The following CACNB2 variants were observed in gnomAD, a reference collection of about 807,000 sequenced individuals.
The protein encoded by CACNB2 is voltage-dependent L-type calcium channel subunit beta-2.
Under a neutral mutation model 73.3 loss-of-function variants are expected in CACNB2, and 42 were observed. The ratio of observed to expected loss-of-function variants is 0.57; its 90% CI spans 0.45 to 0.74. CACNB2 has a LOEUF of 0.74. CACNB2 is among the 30% of genes least tolerant of loss of function. CACNB2 has a pLI of 0.00. For synonymous variants in CACNB2, 348 were observed against 310.3 expected, an observed-to-expected ratio of 1.12 and a Z score of -1.28; for missense variants, 940 against 853.0, an observed-to-expected ratio of 1.10 and a Z score of -1.27.
At chr10:18,281,152 A>C (rs886815869) in intron 2 of CACNB2, among the ~76,000 whole-genome samples, 1 of 152,190 alleles carries the variant, frequency 6.6e-6, no homozygotes, top group Non-Finnish European at 1.5e-5. Flanking sequence ...AGACATGTTC[A>C]AACAAGATAA....
At chr10:18,261,332 C>T (rs973538244) in intron 2 of CACNB2, 49 of 1,551,602 alleles carry the variant, frequency 3.2e-5, no homozygotes, top group Non-Finnish European at 4.3e-5. Flanking sequence ...GTTTCTATTG[C>T]TGTAGAATTG....
At position 18,462,250 on chromosome 10, in the gene CACNB2, C is replaced by A. The variant is rs182743769; in HGVS notation, c.334-36105C>A. ...GCCTGTAAGACAGCAAATAGGAGCG[C>A]TGGTTGGTTGATTGATTGATTGAGA... On this transcript the variant is annotated intron_variant, in intron 3 of 13. Coordinates refer to ENST00000324631, the MANE Select transcript of CACNB2 (RefSeq NM_201596.3). Among the ~76,000 whole-genome samples, 18 of 152,246 alleles carry A rather than the reference C, an allele frequency of 1.2e-4. No individual in the cohort carries two copies. In the East Asian group the frequency reaches 2.7e-3, roughly 23 times the overall value.
intron 2 of CACNB2, chr10:18,260,376 A>T: frequency 3.2e-6 from 3 of 928,842 alleles, no homozygotes; most frequent in Non-Finnish European, 3.9e-6. Context: ...ATGAGGTCTG[A>T]GTCGGATCAA....
chr10:18,235,369 G>A (rs1331086322), intron 2 of CACNB2, among the ~76,000 whole-genome samples: 1 of 150,612 alleles, frequency 6.6e-6, no homozygotes, highest in Non-Finnish European at 1.5e-5. Flanking sequence ...GAGGCAGGAG[G>A]ATCCCTTGAT....
intron 3 of CACNB2, among the ~76,000 whole-genome samples, chr10:18,427,412 T>C (rs958315819): frequency 1.6e-4 from 24 of 152,160 alleles, no homozygotes; most frequent in African/African-American, 5.8e-4. Context: ...ACTGTATGTA[T>C]AATCATGAGG....
At chr10:18,141,025 C>T in intron 1 of CACNB2, 169 bp downstream of exon 1, 5 of 1,538,892 alleles carry the variant, frequency 3.2e-6, no homozygotes, top group African/African-American at 1.4e-5. Context: ...TGCCCCTTTG[C>T]GCCTTTTCCT....
At chr10:18,426,122 A>G (rs545599116) in intron 3 of CACNB2, among the ~76,000 whole-genome samples, 2 of 152,294 alleles carry the variant, frequency 1.3e-5, no homozygotes, top group Admixed American at 6.5e-5. Flanking sequence ...GAAGTCCAAC[A>G]AAAAAAGAAA....
At chr10:18,496,108 C>T (rs981320816) in intron 3 of CACNB2, among the ~76,000 whole-genome samples, 4 of 145,808 alleles carry the variant, frequency 2.7e-5, no homozygotes, top group African/African-American at 1.0e-4. Flanking sequence ...ATCGCTTGAA[C>T]CTGGAAGGCA....
chr10:18,213,634 C>T (rs2035404365), intron 2 of CACNB2, among the ~76,000 whole-genome samples: 1 of 152,184 alleles, frequency 6.6e-6, no homozygotes, highest in African/African-American at 2.4e-5. Context: ...ATGTGTTTAA[C>T]ATTATTGGTG....
intron 2 of CACNB2, among the ~76,000 whole-genome samples, chr10:18,388,356 T>C (rs1281127054): frequency 6.6e-6 from 1 of 152,214 alleles, no homozygotes; most frequent in African/African-American, 2.4e-5. Flanking sequence ...ATCTAAAATT[T>C]ACAGCCTTTT....
chr10:18,350,059 CATG>C (rs2041641022), intron 2 of CACNB2, among the ~76,000 whole-genome samples: 1 of 152,026 alleles, frequency 6.6e-6, no homozygotes, highest in African/African-American at 2.4e-5. Context: ...GCCTGGCCAA[CATG>C]GTGAAACCCT....
chr10:18,410,599 C>T lies in CACNB2; in HGVS notation c.333+8556C>T, dbSNP rs60090882. Reference sequence around the variant, plus strand: ...GAAATATACACATATGTCTATAATGCGTATGTTCTTAAACCTACAAGATAG... The same window carrying T: ...GAAATATACACATATGTCTATAATGTGTATGTTCTTAAACCTACAAGATAG... On this transcript the variant is annotated intron_variant, in intron 3 of 13. Coordinates refer to ENST00000324631, the MANE Select transcript of CACNB2 (RefSeq NM_201596.3). 3.3e-3 allele frequency among the ~76,000 whole-genome samples: 504 copies of T among 152,066 alleles called. 17 individuals carry two copies. The East Asian group carries it at 0.076, about 23-fold the overall frequency.
At chr10:18,282,120 A>C (rs879497945) in intron 2 of CACNB2, among the ~76,000 whole-genome samples, 27 of 151,914 alleles carry the variant, frequency 1.8e-4, no homozygotes, top group Admixed American at 1.0e-3. Flanking sequence ...AGTGGGGAGC[A>C]TTTGTTCACA....
intron 3 of CACNB2, among the ~76,000 whole-genome samples, chr10:18,442,909 AAT>A (rs150680927): frequency 0.34 from 35,320 of 103,792 alleles, 9,324 homozygotes; most frequent in East Asian, 0.57. Flanking sequence ...ATGTAAAAAC[AAT>A]ATATATATAT....
chr10:18,185,874 C>A (rs2034126068), intron 2 of CACNB2, among the ~76,000 whole-genome samples: 1 of 152,036 alleles, frequency 6.6e-6, no homozygotes, highest in African/African-American at 2.4e-5. Context: ...ATGGAGATGA[C>A]ATGCTGATGG....
chr10:18,377,465 G>T (rs530815989), intron 2 of CACNB2, among the ~76,000 whole-genome samples: 1 of 152,324 alleles, frequency 6.6e-6, no homozygotes, highest in South Asian at 2.1e-4. Context: ...CAACCACTCA[G>T]TTCTCCATAA....
At chr10:18,175,174 A>G (rs1257464776) in intron 2 of CACNB2, among the ~76,000 whole-genome samples, 1 of 152,148 alleles carries the variant, frequency 6.6e-6, no homozygotes, top group Non-Finnish European at 1.5e-5. Context: ...CAATATAATT[A>G]TGTTGGTTAC....
rs764468808 is a variant in CACNB2 at position 18,140,786 on chromosome 10, T to TGGC, written c.52_54dup (p.Ala18dup). On this transcript the variant is annotated inframe_insertion, in exon 1 of 14. Coordinates refer to ENST00000324631, the MANE Select transcript of CACNB2 (RefSeq NM_201596.3). Reference sequence around the variant, plus strand: ...TCGCCTCCCACAGCGGCGGCGGCGGTGGCGCAGGAGATCCAGATGGAACTG... The same window carrying TGGC: ...TCGCCTCCCACAGCGGCGGCGGCGGTGGCGGCGCAGGAGATCCAGATGGAACTG... 5.6e-6 allele frequency: 9 copies of TGGC among 1,597,940 alleles called. No individual in the cohort carries two copies. In the African/African-American group the frequency reaches 1.1e-4, roughly 19 times the overall value.
At chr10:18,304,836 C>A (rs2039666613) in intron 2 of CACNB2, among the ~76,000 whole-genome samples, 1 of 152,204 alleles carries the variant, frequency 6.6e-6, no homozygotes, top group Admixed American at 6.5e-5. Flanking sequence ...CTCTGCTCTT[C>A]CTTAATTAAA....
Sources: gnomAD v4.1 joint callset for allele counts (sites outside exome capture counted in the v4.1 genomes callset) on GRCh38, gnomAD v4.1.1 for gene constraint, MANE v1.5 for transcripts, NCBI Gene and HGNC (gene_info 2026-07-23, HGNC 2026-07-21) for gene names.